DNMT3A: variants seen among roughly 807,000 people sequenced by gnomAD.
The protein encoded by DNMT3A is DNA methyltransferase 3 alpha.
In DNMT3A, 267 loss-of-function variants were observed where a neutral mutation model predicts 117.6. The observed-to-expected ratio is 2.27, with a 90% CI of 2.05 to 2.51. DNMT3A has a LOEUF of 2.51. Ranked by LOEUF, DNMT3A falls within the 30% of genes most tolerant of loss-of-function variation. The probability of loss-of-function intolerance (pLI) is 0.00; values close to 1 mark genes in which losing one functional copy is unlikely to be tolerated. For missense variants in DNMT3A, 1,029 were observed against 1,260.2 expected (o/e 0.82, Z 2.78); for synonymous variants, 432 against 474.8 (o/e 0.91, Z 1.17).
At chr2:25,277,095 C>G (rs1352674143) in intron 4 of DNMT3A, among the ~76,000 whole-genome samples, 2 of 152,064 alleles carry the variant, frequency 1.3e-5, no homozygotes, top group Admixed American at 1.3e-4. Context: ...GGGCCTGGCG[C>G]CGGGCTCAGC....
In DNMT3A at chr2:25,282,701, C is replaced by A; in HGVS notation, c.188G>T (p.Gly63Val). The stretch of plus-strand genomic sequence containing the variant: ...CACCGCAGGGTCCTTTGGCGTGTCA[C>A]CGCTTTCCACCTGCAAATGTAAGAA... ...RKRKHPPVES[G>V]DTPKDPAVIS... is the part of the protein sequence containing the mutation. Residue 63 changes from glycine to valine, a missense_variant, in exon 4 of 23, where the codon GGT becomes GTT. Physicochemically the swap from Gly to Val is moderately radical, Grantham distance 109 (BLOSUM62 -3). Coordinates refer to ENST00000321117, the MANE Select transcript of DNMT3A (RefSeq NM_022552.5). The surrounding 1 kb of genome is among the most constrained non-coding windows in gnomAD (Gnocchi z 5.2). The A allele has an allele frequency of 6.6e-7, 1 of 1,526,318 alleles. No homozygotes were observed. Among genetic ancestry groups the A allele is most frequent in the Non-Finnish European group, 8.8e-7 (1 of 1,136,054 alleles). The allele number at this position is 1,526,318 out of a possible 1,614,324, so 94.5% of individuals were successfully genotyped here.
chr2:25,295,370 G>A (rs1320844884), intron 3 of DNMT3A, among the ~76,000 whole-genome samples: 5 of 152,212 alleles, frequency 3.3e-5, no homozygotes, highest in African/African-American at 4.8e-5. Flanking sequence ...TCCTGTTGCC[G>A]GCTCTGACTG....
At chr2:25,246,101 C>T (rs780361181) in intron 11 of DNMT3A, 37 bp from the exon 12 acceptor site, 12 of 1,614,064 alleles carry the variant, frequency 7.4e-6, no homozygotes, top group East Asian at 2.2e-5. Flanking sequence ...GAGGAGGCCG[C>T]GCCTGCTCCT....
rs2032919102 is a variant in DNMT3A at position 25,293,659 on chromosome 2, A to G, written c.177+6480T>C. On this transcript the variant is annotated intron_variant, in intron 3 of 22. Coordinates refer to ENST00000321117, the MANE Select transcript of DNMT3A (RefSeq NM_022552.5). The surrounding 1 kb of genome is among the most constrained non-coding windows in gnomAD (Gnocchi z 4.7). ...GTACCACCATACCCAGCTACTATTTATTATATATATATATAAAAATTTATT... is the reference window on the plus strand; with the variant it reads ...GTACCACCATACCCAGCTACTATTTGTTATATATATATATAAAAATTTATT... Among the ~76,000 whole-genome samples, 1 of 151,292 alleles carries G rather than the reference A, an allele frequency of 6.6e-6. No homozygotes were observed. Among genetic ancestry groups the G allele is most frequent in the South Asian group, 2.1e-4 (1 of 4,814 alleles).
Position 25,240,659 on chromosome 2 carries a change from AG to A in DNMT3A, c.2153del (p.Pro718LeufsTer61). On this transcript the variant is annotated frameshift_variant, in exon 18 of 23. Transcript: ENST00000321117. LOFTEE classifies it high-confidence loss of function. ...SPCNDLSIVN[P>X]ARKGLYEGTG... ...ACCTACCGTAGAGGCCCTTGCGAGC[AG>A]GGTTGACGATGGAGAGGTCATTGCA... 3 of 1,614,238 alleles carry A rather than the reference AG, an allele frequency of 1.9e-6. No homozygotes were observed. Among genetic ancestry groups the A allele is most frequent in the Non-Finnish European group, 1.7e-6 (2 of 1,180,024 alleles).
chr2:25,243,231 G>A (rs1674291866), intron 16 of DNMT3A, among the ~76,000 whole-genome samples: 1 of 151,838 alleles, frequency 6.6e-6, no homozygotes, highest in African/African-American at 2.4e-5. Context: ...CTTGAACCCA[G>A]GAGGCAGAGG....
At position 25,327,700 on chromosome 2, in the gene DNMT3A, C is replaced by T. The variant is rs533375526; in HGVS notation, c.-177-13539G>A. On this transcript the variant is annotated intron_variant, in intron 1 of 22. Transcript: ENST00000321117. This position sits in a 1 kb window ranked among gnomAD's most constrained non-coding sequence, Gnocchi z 4.1. ...GGCATAAGTTAACATACGCCTCCTA[C>T]TGCCAGGGGCTCCAGCTCTATTTAT... is the stretch of plus-strand genomic sequence containing the variant. Among the ~76,000 whole-genome samples the T allele has an allele frequency of 2.6e-5, 4 of 152,330 alleles. No individual in the cohort carries two copies. Among genetic ancestry groups the T allele is most frequent in the Admixed American group, 2.6e-4 (4 of 15,302 alleles).
chr2:25,270,677 T>G (rs1573394158), intron 6 of DNMT3A, among the ~76,000 whole-genome samples: 1 of 150,290 alleles, frequency 6.7e-6, no homozygotes, highest in Admixed American at 6.6e-5. Flanking sequence ...GGGTGGGGGG[T>G]GGAGATCTGG....
chr2:25,230,831 C>T lies in DNMT3A; in HGVS notation c.*3448G>A, dbSNP rs1672841530. The T allele has an allele frequency of 1.4e-5, 2 of 141,062 alleles. No homozygotes were observed. Among genetic ancestry groups the T allele is most frequent in the African/African-American group, 5.4e-5 (2 of 36,732 alleles). 8.7% of individuals were successfully genotyped at this position (141,062 alleles called of 1,614,324 possible). A position where few individuals can be genotyped will look rare whatever the true frequency, so the allele number is the denominator to read the frequency against. ...GGCCATGACCCCTGGGGCATCTGGT[C>T]CATTCTAGGGCCTGGTCAAGTGGCT... On this transcript the variant is annotated 3_prime_UTR_variant, in exon 23 of 23. Coordinates refer to ENST00000321117, the MANE Select transcript of DNMT3A (RefSeq NM_022552.5).
In DNMT3A at chr2:25,243,923, C is replaced by G. The variant is rs1341255293; in HGVS notation, c.1911G>C (p.Leu637=). ...PAEKRKPIRV[L]SLFDGIATGL... ...CTGTAGCGATTCCATCAAAGAGAGA[C>G]AGCACCCGGATGGGCTTCCTCTTCT... Residue 637 remains leucine, a synonymous_variant, in exon 16 of 23, where the codon CTG becomes CTC. Coordinates refer to ENST00000321117, the MANE Select transcript of DNMT3A (RefSeq NM_022552.5). 2.6e-6 allele frequency: 4 copies of G among 1,552,156 alleles called. No homozygotes were observed. The highest frequency in any genetic ancestry group is 3.5e-6 in the Non-Finnish European group (4 of 1,147,120).
chr2:25,290,651 T>C (rs1027756647), intron 3 of DNMT3A, among the ~76,000 whole-genome samples: 1 of 152,194 alleles, frequency 6.6e-6, no homozygotes, highest in African/African-American at 2.4e-5. Context: ...TGCTTTACTA[T>C]AGTTATTTAC....
chr2:25,321,983 G>T (rs1274099301), intron 1 of DNMT3A, among the ~76,000 whole-genome samples: 1 of 152,216 alleles, frequency 6.6e-6, no homozygotes, highest in Non-Finnish European at 1.5e-5. Context: ...GGACATGTAA[G>T]AGGATCTACT....
At chr2:25,276,691 T>C (rs2149368799) in intron 4 of DNMT3A, among the ~76,000 whole-genome samples, 1 of 151,976 alleles carries the variant, frequency 6.6e-6, no homozygotes, top group East Asian at 1.9e-4. Context: ...TTGCTGGAGG[T>C]GGGGAAGTGA....
chr2:25,273,303 G>A (rs2031101017), intron 6 of DNMT3A, among the ~76,000 whole-genome samples: 1 of 151,966 alleles, frequency 6.6e-6, no homozygotes, highest in Non-Finnish European at 1.5e-5. Context: ...GTAGAGACAG[G>A]GGTTCACCAA....
chr2:25,314,786 A>G, intron 1 of DNMT3A: 1 of 856,372 alleles, frequency 1.2e-6, no homozygotes, highest in South Asian at 5.4e-5. Flanking sequence ...CTGAGGCAGG[A>G]GTGAGGCTGC....
In DNMT3A at chr2:25,247,234, G is replaced by A; in HGVS notation, c.1015-76C>T. 6.9e-7 allele frequency: 1 copy of A among 1,456,326 alleles called. No individual in the cohort carries two copies. Among genetic ancestry groups the A allele is most frequent in the Non-Finnish European group, 9.5e-7 (1 of 1,051,282 alleles). 90.2% of individuals were successfully genotyped at this position (1,456,326 alleles called of 1,614,324 possible). A position where few individuals can be genotyped will look rare whatever the true frequency, so the allele number is the denominator to read the frequency against. On this transcript the variant is annotated intron_variant, in intron 8 of 22. Coordinates refer to ENST00000321117, the MANE Select transcript of DNMT3A (RefSeq NM_022552.5). The surrounding 1 kb of genome is among the most constrained non-coding windows in gnomAD (Gnocchi z 5.6). ...CCACCCCATGCCTTGCAACTGGCAG[G>A]GGCTGGGAGCCTCGAGAGTCAGTCT... is the stretch of plus-strand genomic sequence containing the variant.
chr2:25,257,595 A>G lies in DNMT3A; in HGVS notation c.640-9343T>C, dbSNP rs1017093416. On this transcript the variant is annotated intron_variant, in intron 6 of 22. Coordinates refer to ENST00000321117, the MANE Select transcript of DNMT3A (RefSeq NM_022552.5). The surrounding 1 kb of genome is among the most constrained non-coding windows in gnomAD (Gnocchi z 4.8). Reference sequence around the variant, plus strand: ...TAAGGGGCTCTCCAGAAGCTCCTGGAAGCCCGGAGAGGCCAGTCAATCCTT... The same window carrying G: ...TAAGGGGCTCTCCAGAAGCTCCTGGGAGCCCGGAGAGGCCAGTCAATCCTT... 6.6e-6 allele frequency among the ~76,000 whole-genome samples: 1 copy of G among 152,124 alleles called. No individual in the cohort carries two copies. The highest frequency in any genetic ancestry group is 2.4e-5 in the African/African-American group (1 of 41,414).
Position 25,234,300 on chromosome 2 carries a change from C to A in DNMT3A, c.2718G>T (p.Lys906Asn). Residue 906 changes from lysine (K) to asparagine (N), a missense_variant, in exon 23 of 23, where the codon AAG (lysine) becomes AAT (asparagine). Coordinates refer to ENST00000321117, the MANE Select transcript of DNMT3A (RefSeq NM_022552.5). This position sits in a 1 kb window ranked among gnomAD's most constrained non-coding sequence, Gnocchi z 4.5. Reference sequence around the variant, plus strand: ...TCCCTTACACACACGCAAAATACTCCTTCAGCGGAGCGAAGAGGTGGCGGA... The same window carrying A: ...TCCCTTACACACACGCAAAATACTCATTCAGCGGAGCGAAGAGGTGGCGGA... ...PVIRHLFAPL[K>N]EYFACV The A allele has an allele frequency of 1.2e-6, 2 of 1,613,950 alleles. No individual in the cohort carries two copies. Among genetic ancestry groups the A allele is most frequent in the Non-Finnish European group, 1.7e-6 (2 of 1,179,916 alleles).
At chr2:25,258,601 C>T (rs1676356591) in intron 6 of DNMT3A, among the ~76,000 whole-genome samples, 1 of 152,228 alleles carries the variant, frequency 6.6e-6, no homozygotes, top group Non-Finnish European at 1.5e-5. Context: ...CATGAAACCA[C>T]AGCCCTCATT....
Sources: allele counts gnomAD v4.1 joint callset (sites outside exome capture counted in the v4.1 genomes callset), GRCh38; gene constraint gnomAD v4.1.1; non-coding constraint Gnocchi (gnomAD v3.1); transcripts MANE v1.5; gene names NCBI Gene and HGNC (gene_info 2026-07-23, HGNC 2026-07-21).